The following TRHDE variants were observed in gnomAD, a reference collection of about 807,000 sequenced individuals.
TRHDE encodes the protein thyrotropin-releasing hormone-degrading ectoenzyme.
Under a neutral mutation model 125.7 loss-of-function variants are expected in TRHDE, and 72 were observed. That is an observed-to-expected ratio of 0.57 (90% confidence interval 0.47 to 0.70). The LOEUF (loss-of-function observed/expected upper bound fraction) is 0.70, where lower values mean the gene tolerates loss of function less well. Among genes scored for constraint, TRHDE ranks in the 30% least tolerant of loss-of-function variants. The probability of loss-of-function intolerance (pLI) is 0.00; values close to 1 mark genes in which losing one functional copy is unlikely to be tolerated. For synonymous variants in TRHDE, 509 were observed against 509.1 expected, an observed-to-expected ratio of 1.00 and a Z score of 0.00; for missense variants, 1,110 against 1,327.1, an observed-to-expected ratio of 0.84 and a Z score of 2.54.
chr12:72,349,466 A>G (rs1870481501), intron 2 of TRHDE, among the ~76,000 whole-genome samples: 1 of 151,114 alleles, frequency 6.6e-6, no homozygotes. Context: ...ACATGGTTTG[A>G]TTTTTCTTCC....
At chr12:72,498,301 G>A (rs1307768905) in intron 5 of TRHDE, among the ~76,000 whole-genome samples, 2 of 152,244 alleles carry the variant, frequency 1.3e-5, no homozygotes, top group Non-Finnish European at 2.9e-5. Context: ...TTTATGTCCA[G>A]TCAACAATTC....
At chr12:72,145,365 A>G (rs1876204103) in intron 2 of TRHDE, among the ~76,000 whole-genome samples, 1 of 152,200 alleles carries the variant, frequency 6.6e-6, no homozygotes, top group Non-Finnish European at 1.5e-5. Flanking sequence ...ATTTAAAATT[A>G]TGTCTTAGAT....
chr12:72,292,814 A>G (rs781036982), intron 2 of TRHDE, among the ~76,000 whole-genome samples: 2 of 152,242 alleles, frequency 1.3e-5, no homozygotes, highest in Non-Finnish European at 2.9e-5. Flanking sequence ...AAGTATCAAA[A>G]TTGGTTCAAA....
At chr12:72,597,750 T>C (rs1305654138) in intron 12 of TRHDE, among the ~76,000 whole-genome samples, 2,280 of 13,226 alleles carry the variant, frequency 0.17, 168 homozygotes, top group Non-Finnish European at 0.25. Context: ...TATATATATA[T>C]ATATATATGC....
At chr12:72,601,877 T>TAATA (rs1336225153) in intron 12 of TRHDE, among the ~76,000 whole-genome samples, 2 of 152,116 alleles carry the variant, frequency 1.3e-5, no homozygotes, top group Non-Finnish European at 2.9e-5. Flanking sequence ...TTCTTTCTTA[T>TAATA]AATACTTGCT....
chr12:72,468,858 G>T (rs1206843002), intron 3 of TRHDE, among the ~76,000 whole-genome samples: 2 of 152,152 alleles, frequency 1.3e-5, no homozygotes, highest in Non-Finnish European at 2.9e-5. Flanking sequence ...CCAGGGAGAG[G>T]TTTATTTTTA....
chr12:72,626,846 C>T (rs1179101982), intron 15 of TRHDE, among the ~76,000 whole-genome samples: 1 of 151,828 alleles, frequency 6.6e-6, no homozygotes, highest in Non-Finnish European at 1.5e-5. Context: ...CGTCCAGAAA[C>T]CTCATGTTTT....
At chr12:72,485,061 C>G (rs1396588350) in intron 5 of TRHDE, among the ~76,000 whole-genome samples, 1 of 152,086 alleles carries the variant, frequency 6.6e-6, no homozygotes, top group Admixed American at 6.5e-5. Context: ...CAAGAGGACC[C>G]AGGTAGCCTC....
intron 12 of TRHDE, among the ~76,000 whole-genome samples, chr12:72,611,607 GGGGTGA>G (rs1237330614): frequency 1.3e-5 from 2 of 152,124 alleles, no homozygotes; most frequent in African/African-American, 2.4e-5. Context: ...AACAAAGCTA[GGGGTGA>G]GGGTGAGGGT....
intron 2 of TRHDE, among the ~76,000 whole-genome samples, chr12:72,119,665 ATC>A (rs1875530481): frequency 6.6e-6 from 1 of 152,146 alleles, no homozygotes. Context: ...ATTGGGGTCT[ATC>A]TCTCTCTTTA....
intron 3 of TRHDE, among the ~76,000 whole-genome samples, chr12:72,412,421 A>G (rs142419399): frequency 7.2e-5 from 11 of 152,250 alleles, no homozygotes; most frequent in Admixed American, 7.2e-4. Flanking sequence ...AAATCCGACA[A>G]TACCAGTCAC....
intron 3 of TRHDE, among the ~76,000 whole-genome samples, chr12:72,396,425 A>G (rs1872792005): frequency 6.6e-6 from 1 of 152,070 alleles, no homozygotes; most frequent in Admixed American, 6.6e-5. Flanking sequence ...TATAGCCTAT[A>G]GGAGAGTTGT....
At chr12:72,410,985 G>T (rs1431367115) in intron 3 of TRHDE, among the ~76,000 whole-genome samples, 1 of 152,010 alleles carries the variant, frequency 6.6e-6, no homozygotes, top group African/African-American at 2.4e-5. Flanking sequence ...GAGGTCAGGA[G>T]ATTGAGACCA....
intron 2 of TRHDE, among the ~76,000 whole-genome samples, chr12:72,126,667 CTG>C (rs1875720503): frequency 6.6e-6 from 1 of 152,164 alleles, no homozygotes; most frequent in African/African-American, 2.4e-5. Context: ...AAGAATGAAA[CTG>C]GACCTGTACC....
At chr12:72,438,440 T>C (rs941919174) in intron 3 of TRHDE, among the ~76,000 whole-genome samples, 5 of 151,900 alleles carry the variant, frequency 3.3e-5, no homozygotes, top group Admixed American at 1.3e-4. Flanking sequence ...CCAACACTTA[T>C]CTTTCAACTT....
chr12:72,173,957 C>T (rs1022734021), intron 2 of TRHDE, among the ~76,000 whole-genome samples: 7 of 152,088 alleles, frequency 4.6e-5, no homozygotes, highest in African/African-American at 1.4e-4. Flanking sequence ...GTATGCATGT[C>T]GTTTTATAAT....
chr12:72,520,857 A>G (rs1003041729), intron 6 of TRHDE, among the ~76,000 whole-genome samples: 9 of 152,210 alleles, frequency 5.9e-5, no homozygotes, highest in African/African-American at 2.2e-4. Context: ...TAAAAGCTTG[A>G]ATGAGATAAA....
chr12:72,648,026 A>G (rs1044719919), intron 15 of TRHDE, among the ~76,000 whole-genome samples: 4 of 152,216 alleles, frequency 2.6e-5, no homozygotes, highest in Non-Finnish European at 4.4e-5. Context: ...CCTGAAACCA[A>G]TATTACATTA....
chr12:72,109,348 T>C (rs1019437778), intron 2 of TRHDE, among the ~76,000 whole-genome samples: 2 of 152,120 alleles, frequency 1.3e-5, no homozygotes, highest in African/African-American at 4.8e-5. Context: ...GTCTTTGTGA[T>C]TTCTCCTGAG....
Sources: gnomAD v4.1 joint callset for allele counts (sites outside exome capture counted in the v4.1 genomes callset) on GRCh38, gnomAD v4.1.1 for gene constraint, MANE v1.5 for transcripts, NCBI Gene and HGNC (gene_info 2026-07-23, HGNC 2026-07-21) for gene names.